The following ARHGAP24 variants were observed in gnomAD, a reference collection of about 807,000 sequenced individuals.
ARHGAP24 encodes the protein rho GTPase-activating protein 24.
Under a neutral mutation model 76.4 loss-of-function variants are expected in ARHGAP24, and 50 were observed. That is an observed-to-expected ratio of 0.65 (90% CI 0.52 to 0.83). The LOEUF (loss-of-function observed/expected upper bound fraction) is 0.83. ARHGAP24 is among the 40% of genes least tolerant of loss of function. ARHGAP24 has a pLI of 0.00. For synonymous variants in ARHGAP24, 345 were observed against 323.3 expected (o/e 1.07, Z -0.72); for missense variants, 930 against 914.2 (o/e 1.02, Z -0.22).
chr4:85,499,530 A>C (rs1723715426), intron 1 of ARHGAP24, among the ~76,000 whole-genome samples: 1 of 152,224 alleles, frequency 6.6e-6, no homozygotes, highest in African/African-American at 2.4e-5. Flanking sequence ...AAGCTATGAA[A>C]AATTAAGAAT....
At chr4:85,700,777 G>A (rs17010609) in intron 2 of ARHGAP24, among the ~76,000 whole-genome samples, 2,307 of 152,292 alleles carry the variant, frequency 0.015, 47 homozygotes, top group African/African-American at 0.053. Context: ...AGAGTTTGAT[G>A]TAAAGTAGAC....
At position 85,664,119 on chromosome 4, in the gene ARHGAP24, C is replaced by A. The variant is rs1197422355; in HGVS notation, c.181-57766C>A. Among the ~76,000 whole-genome samples the A allele has an allele frequency of 2.0e-5, 3 of 151,386 alleles. 1 individual carries two copies. The highest frequency in any genetic ancestry group is 4.9e-5 in the African/African-American group (2 of 40,734). On this transcript the variant is annotated intron_variant, in intron 2 of 9. Transcript: ENST00000395184. Reference sequence around the variant, plus strand: ...TCCTCCTTGTACCTCTGGTAGAATTCGGCTGTGAATCCATCTGGTCCTGGA... The same window carrying A: ...TCCTCCTTGTACCTCTGGTAGAATTAGGCTGTGAATCCATCTGGTCCTGGA...
At chr4:85,986,593 A>G (rs894187540) in intron 8 of ARHGAP24, among the ~76,000 whole-genome samples, 1 of 152,146 alleles carries the variant, frequency 6.6e-6, no homozygotes, top group African/African-American at 2.4e-5. Context: ...AGGTCAGACA[A>G]TGAGAAGCCC....
chr4:85,572,737 C>A (rs1001521400), intron 2 of ARHGAP24, among the ~76,000 whole-genome samples: 18 of 18,402 alleles, frequency 9.8e-4, no homozygotes, highest in African/African-American at 2.9e-4. Flanking sequence ...AGTACTAATT[C>A]TTTTACAAAC....
chr4:85,673,792 A>C (rs892293343), intron 2 of ARHGAP24, among the ~76,000 whole-genome samples: 1 of 87,810 alleles, frequency 1.1e-5, no homozygotes, highest in Non-Finnish European at 2.2e-5. Context: ...AGTCACTTAG[A>C]GTCTTTTTTC....
intron 2 of ARHGAP24, among the ~76,000 whole-genome samples, chr4:85,640,666 A>G (rs1462310919): frequency 6.6e-6 from 1 of 152,196 alleles, no homozygotes; most frequent in Non-Finnish European, 1.5e-5. Flanking sequence ...TTGCCCTCAA[A>G]GGATTTATAA....
At chr4:85,886,222 T>C (rs931290081) in intron 3 of ARHGAP24, among the ~76,000 whole-genome samples, 2 of 152,176 alleles carry the variant, frequency 1.3e-5, no homozygotes, top group African/African-American at 4.8e-5. Flanking sequence ...ACAACATAAT[T>C]TATTTACTGT....
Position 85,825,285 on chromosome 4 carries a change from C to T in ARHGAP24, c.269-98363C>T, listed in dbSNP as rs189269470. 7.2e-5 allele frequency among the ~76,000 whole-genome samples: 11 copies of T among 152,210 alleles called. No homozygotes were observed. The East Asian group carries it at 2.1e-3, about 29-fold the overall frequency. ...CATTTACAGCTGGGAATGACACTTA[C>T]TTAAAGGGTAGAACACAGACACATA... On this transcript the variant is annotated intron_variant, in intron 3 of 9. Transcript: ENST00000395184.
chr4:85,699,935 A>G (rs751984231), intron 2 of ARHGAP24, among the ~76,000 whole-genome samples: 1 of 152,200 alleles, frequency 6.6e-6, no homozygotes, highest in Non-Finnish European at 1.5e-5. Context: ...CTACAAAGTT[A>G]TCTATAGAAA....
chr4:85,886,834 A>G (rs552872463), intron 3 of ARHGAP24, among the ~76,000 whole-genome samples: 8 of 152,312 alleles, frequency 5.3e-5, no homozygotes, highest in South Asian at 2.1e-4. Flanking sequence ...TTTTGATACA[A>G]GAGAATGTTT....
intron 2 of ARHGAP24, among the ~76,000 whole-genome samples, chr4:85,655,802 GAGAGAGAGAGAGAGAA>G (rs1358467514): frequency 0.016 from 876 of 56,390 alleles, 22 homozygotes; most frequent in South Asian, 0.044. Flanking sequence ...TAGAGAGAGA[GAGAGAGAGAGAGAGAA>G]AGAGAGAGAG....
chr4:85,888,227 C>G (rs1733679013), intron 3 of ARHGAP24, among the ~76,000 whole-genome samples: 1 of 151,802 alleles, frequency 6.6e-6, no homozygotes, highest in Admixed American at 6.6e-5. Context: ...ATGGTGAAAC[C>G]CCATTTCTAC....
chr4:85,754,728 A>G (rs1480955433), intron 3 of ARHGAP24, among the ~76,000 whole-genome samples: 1 of 152,216 alleles, frequency 6.6e-6, no homozygotes, highest in Non-Finnish European at 1.5e-5. Flanking sequence ...CAATTGGTAA[A>G]AGGCTTGAAC....
At chr4:85,922,390 G>T (rs1735773413) in intron 3 of ARHGAP24, among the ~76,000 whole-genome samples, 1 of 152,198 alleles carries the variant, frequency 6.6e-6, no homozygotes, top group Non-Finnish European at 1.5e-5. Context: ...TGTGGTGCCT[G>T]TTGTAAACTG....
intron 9 of ARHGAP24, among the ~76,000 whole-genome samples, chr4:85,996,258 A>G (rs1170037104): frequency 6.6e-6 from 1 of 152,214 alleles, no homozygotes; most frequent in African/African-American, 2.4e-5. Context: ...ATAGAAATCC[A>G]TGGAGGTTTT....
intron 2 of ARHGAP24, among the ~76,000 whole-genome samples, chr4:85,682,432 A>C (rs1229187383): frequency 6.6e-6 from 1 of 152,216 alleles, no homozygotes; most frequent in African/African-American, 2.4e-5. Context: ...TCAGGCTTCC[A>C]TGTGGCCCTA....
At chr4:85,870,326 T>A (rs2110190000) in intron 3 of ARHGAP24, among the ~76,000 whole-genome samples, 1 of 152,304 alleles carries the variant, frequency 6.6e-6, no homozygotes, top group South Asian at 2.1e-4. Context: ...TGTCTATATT[T>A]TCTTTCAAAG....
intron 3 of ARHGAP24, among the ~76,000 whole-genome samples, chr4:85,812,552 A>G (rs899972199): frequency 6.6e-6 from 1 of 152,198 alleles, no homozygotes; most frequent in East Asian, 1.9e-4. Flanking sequence ...TGTTAAGGAA[A>G]CCACTCCCAG....
Position 85,789,387 on chromosome 4 carries a change from AAGAG to A in ARHGAP24, c.268+67419_268+67422del, listed in dbSNP as rs202123399. Among the ~76,000 whole-genome samples the A allele has an allele frequency of 6.1e-3, 925 of 152,056 alleles. 11 individuals are homozygous for A. The highest frequency in any genetic ancestry group is 0.021 in the African/African-American group (853 of 41,430). On this transcript the variant is annotated intron_variant, in intron 3 of 9. Transcript: ENST00000395184. ...GACTTTTTCTTTTTCTTTTTTTTTA[AAGAG>A]AGAATCAGTCCGCAGGTTGGCTGGA...
Sources: gnomAD v4.1 joint callset for allele counts (sites outside exome capture counted in the v4.1 genomes callset) on GRCh38, gnomAD v4.1.1 for gene constraint, MANE v1.5 for transcripts, NCBI Gene and HGNC (gene_info 2026-07-23, HGNC 2026-07-21) for gene names.